EML6: variants seen among roughly 807,000 people sequenced by gnomAD.
EML6 encodes EMAP like 6.
A neutral mutation model predicts 240.1 loss-of-function variants in EML6; 154 were observed. The ratio of observed to expected loss-of-function variants is 0.64; its 90% CI spans 0.56 to 0.73. The LOEUF (loss-of-function observed/expected upper bound fraction) is 0.73. Ranked by LOEUF, EML6 falls within the 30% of genes least tolerant of loss-of-function variation. The pLI, the probability that EML6 is intolerant of heterozygous loss-of-function variation, is 0.00. For synonymous variants in EML6, 1,148 were observed against 899.0 expected (o/e 1.28, Z -4.95); for missense variants, 2,964 against 2,474.6 (o/e 1.20, Z -4.20).
intron 2 of EML6, among the ~76,000 whole-genome samples, chr2:54,782,336 A>G (rs1232706147): frequency 6.6e-6 from 1 of 152,214 alleles, no homozygotes; most frequent in Admixed American, 6.5e-5. Flanking sequence ...GGGTTTTTAA[A>G]GTCAAATTTT....
At chr2:54,964,278 G>A in intron 37 of EML6, 120 bp downstream of exon 37, 1 of 991,162 alleles carries the variant, frequency 1.0e-6, no homozygotes, top group Non-Finnish European at 1.5e-6. Context: ...CTTTCAACAA[G>A]CCACCTATGA....
intron 16 of EML6, among the ~76,000 whole-genome samples, chr2:54,878,728 C>G (rs891254264): frequency 6.6e-6 from 1 of 152,040 alleles, no homozygotes; most frequent in East Asian, 1.9e-4. Context: ...TAGGGATTTA[C>G]AGTAATCTAT....
At chr2:54,850,339 C>G (rs916686653) in intron 10 of EML6, 121 bp downstream of exon 10, 1 of 841,020 alleles carries the variant, frequency 1.2e-6, no homozygotes, top group South Asian at 1.9e-5. Context: ...TGGTTTTTGC[C>G]GGAAAGCACC....
intron 21 of EML6, 47 bp downstream of exon 21, chr2:54,895,447 A>AC: frequency 6.5e-7 from 1 of 1,542,902 alleles, no homozygotes; most frequent in Non-Finnish European, 8.8e-7. Flanking sequence ...CAAGGCTGGG[A>AC]CTAGAGTGAG....
At chr2:54,822,418 C>T (rs928465349) in intron 5 of EML6, among the ~76,000 whole-genome samples, 2 of 152,106 alleles carry the variant, frequency 1.3e-5, no homozygotes, top group East Asian at 3.8e-4. Context: ...GAAGTATGAA[C>T]CAAGAGCTGA....
chr2:54,747,514 A>G (rs1414367113), intron 2 of EML6: 1 of 152,210 alleles, frequency 6.6e-6, no homozygotes, highest in Non-Finnish European at 1.5e-5. Flanking sequence ...CTAAAAACAA[A>G]CTCATTAACT....
intron 7 of EML6, among the ~76,000 whole-genome samples, chr2:54,835,606 A>T (rs1326676650): frequency 2.0e-5 from 3 of 152,166 alleles, no homozygotes; most frequent in Non-Finnish European, 4.4e-5. Flanking sequence ...ATAGGATCAG[A>T]GGTAGGAGCC....
intron 26 of EML6, among the ~76,000 whole-genome samples, chr2:54,922,220 A>G (rs1006862301): frequency 3.3e-5 from 5 of 152,240 alleles, no homozygotes; most frequent in African/African-American, 9.6e-5. Context: ...CAATAGCAAT[A>G]ACTATGATTT....
intron 12 of EML6, 94 bp downstream of exon 12, chr2:54,859,795 G>A (rs1413382496): frequency 1.2e-5 from 13 of 1,101,586 alleles, no homozygotes; most frequent in Non-Finnish European, 1.6e-5. Context: ...AAGGATTTAA[G>A]CAATTTTGGA....
intron 2 of EML6, among the ~76,000 whole-genome samples, chr2:54,776,834 T>C (rs1325507817): frequency 1.3e-5 from 2 of 152,214 alleles, no homozygotes; most frequent in South Asian, 2.1e-4. Context: ...TGAACATTTG[T>C]ATACTGGGAC....
chr2:54,742,284 T>A (rs1683681323), intron 2 of EML6, among the ~76,000 whole-genome samples: 1 of 152,164 alleles, frequency 6.6e-6, no homozygotes, highest in African/African-American at 2.4e-5. Context: ...CTTTCCTACC[T>A]TTGGTCCCAT....
chr2:54,797,250 C>T (rs990172963), intron 2 of EML6, among the ~76,000 whole-genome samples: 7 of 150,858 alleles, frequency 4.6e-5, no homozygotes, highest in Non-Finnish European at 7.4e-5. Context: ...ATAAGCCCCA[C>T]CTGTTGAGGA....
At chr2:54,738,807 G>A (rs1683509961) in intron 2 of EML6, among the ~76,000 whole-genome samples, 1 of 152,154 alleles carries the variant, frequency 6.6e-6, no homozygotes, top group Non-Finnish European at 1.5e-5. Flanking sequence ...TGGGCCTTTG[G>A]ATGGTTTGCA....
At chr2:54,751,816 A>G (rs1418054181) in intron 2 of EML6, among the ~76,000 whole-genome samples, 4 of 152,210 alleles carry the variant, frequency 2.6e-5, no homozygotes, top group South Asian at 4.1e-4. Context: ...AATGTCTTCA[A>G]TTTGCTTTCT....
chr2:54,765,032 C>G (rs1436616454), intron 2 of EML6, among the ~76,000 whole-genome samples: 2 of 152,046 alleles, frequency 1.3e-5, no homozygotes, highest in African/African-American at 2.4e-5. Context: ...TTTTTCCTCT[C>G]TTTTGCCTAC....
chr2:54,856,014 T>C (rs1670356333), intron 11 of EML6, among the ~76,000 whole-genome samples: 2 of 152,336 alleles, frequency 1.3e-5, no homozygotes, highest in African/African-American at 4.8e-5. Context: ...TCCATTGTGA[T>C]TTTTAAAAAC....
intron 32 of EML6, 75 bp from the exon 33 acceptor site, chr2:54,957,715 C>T: frequency 2.9e-6 from 4 of 1,356,962 alleles, no homozygotes; most frequent in Non-Finnish European, 4.1e-6. Flanking sequence ...GGGGTGGAGA[C>T]CTCCTGGGCT....
chr2:54,733,731 C>G (rs1216134632), intron 2 of EML6, among the ~76,000 whole-genome samples: 1 of 152,174 alleles, frequency 6.6e-6, no homozygotes, highest in African/African-American at 2.4e-5. Context: ...TCTTTTGAGT[C>G]TTAATTCCAA....
At chr2:54,877,642 C>T (rs1671581186) in intron 16 of EML6, among the ~76,000 whole-genome samples, 1 of 152,124 alleles carries the variant, frequency 6.6e-6, no homozygotes, top group African/African-American at 2.4e-5. Flanking sequence ...GGGACCTTGC[C>T]CAATTTAAAG....
Sources: allele counts gnomAD v4.1 joint callset (sites outside exome capture counted in the v4.1 genomes callset), GRCh38; gene constraint gnomAD v4.1.1; transcripts MANE v1.5; gene names NCBI Gene and HGNC (gene_info 2026-07-23, HGNC 2026-07-21).